The following FRMD4A variants were observed in gnomAD, a reference collection of about 807,000 sequenced individuals.
FRMD4A encodes the protein FERM domain containing 4A.
A neutral mutation model predicts 129.1 loss-of-function variants in FRMD4A; 29 were observed. That is an observed-to-expected ratio of 0.22 (90% CI 0.17 to 0.31). The LOEUF (loss-of-function observed/expected upper bound fraction) is 0.31. Among genes scored for constraint, FRMD4A ranks in the 10% least tolerant of loss-of-function variants. The pLI is 1.00. For synonymous variants in FRMD4A, 634 were observed against 571.6 expected (o/e 1.11, Z -1.56); for missense variants, 1,272 against 1,375.8 (o/e 0.92, Z 1.19).
intron 2 of FRMD4A, among the ~76,000 whole-genome samples, chr10:14,224,584 T>C (rs993770659): frequency 6.6e-6 from 1 of 152,336 alleles, no homozygotes; most frequent in Admixed American, 6.5e-5. Flanking sequence ...ATTTTTTTTT[T>C]CTGTGAAGAG....
chr10:13,705,825 T>A (rs1017822564), intron 13 of FRMD4A, among the ~76,000 whole-genome samples: 2 of 152,224 alleles, frequency 1.3e-5, no homozygotes, highest in Admixed American at 1.3e-4. Flanking sequence ...GCAGAAACTC[T>A]CAGCTGCTCT....
intron 2 of FRMD4A, among the ~76,000 whole-genome samples, chr10:14,249,758 A>G (rs988105252): frequency 2.0e-5 from 3 of 152,254 alleles, no homozygotes; most frequent in African/African-American, 4.8e-5. Flanking sequence ...GGATGCATCA[A>G]CTAAGGTGTA....
At chr10:13,998,803 T>A (rs927879094) in intron 2 of FRMD4A, among the ~76,000 whole-genome samples, 2 of 152,230 alleles carry the variant, frequency 1.3e-5, no homozygotes, top group Admixed American at 1.3e-4. Context: ...GTCACTAAGA[T>A]GATTGTACTA....
At chr10:14,317,932 T>C (rs974960372) in intron 2 of FRMD4A, among the ~76,000 whole-genome samples, 14 of 152,086 alleles carry the variant, frequency 9.2e-5, no homozygotes, top group African/African-American at 3.4e-4. Flanking sequence ...TCAAAGTATA[T>C]AAAAGGATGT....
At position 13,643,977 on chromosome 10, in the gene FRMD4A, A is replaced by T. The variant is rs550533332; in HGVS notation, c.*3061T>A. On this transcript the variant is annotated 3_prime_UTR_variant, in exon 25 of 25. Coordinates refer to ENST00000357447, the MANE Select transcript of FRMD4A (RefSeq NM_018027.5). ...CTAGAGTCCATTTTACACAACTTGT[A>T]ATAAACTATTGACATTAATGTATAT... 6.5e-6 allele frequency: 1 copy of T among 152,758 alleles called. No homozygotes were observed. The highest frequency in any genetic ancestry group is 2.4e-5 in the African/African-American group (1 of 41,570). 9.5% of individuals were successfully genotyped at this position (152,758 alleles called of 1,614,324 possible).
chr10:14,281,318 AGGG>A (rs1845513659), intron 2 of FRMD4A, among the ~76,000 whole-genome samples: 1 of 152,214 alleles, frequency 6.6e-6, no homozygotes, highest in Non-Finnish European at 1.5e-5. Context: ...AGAAGAAATT[AGGG>A]CACAGACTGG....
At chr10:14,267,505 C>G (rs1282036872) in intron 2 of FRMD4A, among the ~76,000 whole-genome samples, 1 of 152,136 alleles carries the variant, frequency 6.6e-6, no homozygotes, top group East Asian at 1.9e-4. Flanking sequence ...TTTCAAGGCC[C>G]TTATTTTACT....
intron 15 of FRMD4A, 174 bp downstream of exon 15, chr10:13,693,724 G>A: frequency 1.3e-6 from 1 of 772,644 alleles, no homozygotes; most frequent in Non-Finnish European, 2.2e-6. Flanking sequence ...TTGATTCCTG[G>A]GAGCAGTTTT....
intron 15 of FRMD4A, among the ~76,000 whole-genome samples, chr10:13,687,377 G>A (rs574599725): frequency 6.6e-6 from 1 of 152,320 alleles, no homozygotes; most frequent in South Asian, 2.1e-4. Context: ...CTCAGGCTCT[G>A]TCTCACTTTC....
At chr10:13,905,182 A>T (rs1388649745) in intron 2 of FRMD4A, among the ~76,000 whole-genome samples, 4 of 152,072 alleles carry the variant, frequency 2.6e-5, no homozygotes, top group Admixed American at 6.6e-5. Context: ...GATACCTGCA[A>T]TGCATTTTGA....
At chr10:14,088,633 T>TA (rs1428911606) in intron 2 of FRMD4A, among the ~76,000 whole-genome samples, 5 of 151,252 alleles carry the variant, frequency 3.3e-5, no homozygotes, top group African/African-American at 1.2e-4. Flanking sequence ...CCGGACGTGA[T>TA]GGCGCATGCC....
chr10:13,736,691 G>A (rs778256334), intron 12 of FRMD4A, among the ~76,000 whole-genome samples: 8 of 152,296 alleles, frequency 5.3e-5, no homozygotes, highest in Admixed American at 1.3e-4. Flanking sequence ...AAACAGCTTG[G>A]AAAGCAATCT....
intron 2 of FRMD4A, among the ~76,000 whole-genome samples, chr10:14,128,011 TCTTCCTTCCTTC>T (rs1234412308): frequency 2.1e-5 from 2 of 96,806 alleles, no homozygotes; most frequent in African/African-American, 9.1e-5. Context: ...TTTCTTTCTT[TCTTCCTTCCTTC>T]CTTCCTTCCT....
rs11447715 is a variant in FRMD4A, at chr10:14,314,949, G to GTT, written c.45+15107_45+15108dup. 5.2e-3 allele frequency among the ~76,000 whole-genome samples: 782 copies of GTT among 149,830 alleles called. 3 individuals are homozygous for GTT. Among genetic ancestry groups the GTT allele is most frequent in the African/African-American group, 0.013 (551 of 40,960 alleles). ...ATGTGATTGGCGAATCTTATATATA[G>GTT]TTTTTTTTTTAATTTTTACTTTCCT... On this transcript the variant is annotated intron_variant, in intron 2 of 24. Coordinates refer to ENST00000357447, the MANE Select transcript of FRMD4A (RefSeq NM_018027.5).
At chr10:13,695,505 T>C (rs1002201737) in intron 14 of FRMD4A, among the ~76,000 whole-genome samples, 1 of 152,212 alleles carries the variant, frequency 6.6e-6, no homozygotes, top group African/African-American at 2.4e-5. Flanking sequence ...ATGTGTTTGT[T>C]TGCATTTCCC....
intron 2 of FRMD4A, among the ~76,000 whole-genome samples, chr10:14,015,438 C>T (rs1384975110): frequency 1.3e-5 from 2 of 150,772 alleles, no homozygotes; most frequent in African/African-American, 2.4e-5. Flanking sequence ...CTCTCTCTTC[C>T]TTCCCTTGCC....
At chr10:13,816,087 C>A (rs1374854128) in intron 3 of FRMD4A, among the ~76,000 whole-genome samples, 1 of 152,218 alleles carries the variant, frequency 6.6e-6, no homozygotes, top group African/African-American at 2.4e-5. Flanking sequence ...TTGTACCTAT[C>A]TGGATTTATA....
chr10:13,757,668 T>C (rs897399210), intron 8 of FRMD4A, among the ~76,000 whole-genome samples: 1 of 152,220 alleles, frequency 6.6e-6, no homozygotes, highest in Non-Finnish European at 1.5e-5. Flanking sequence ...GTGAGTTTCA[T>C]GAGAAAGAGT....
chr10:14,049,579 G>A (rs1277037439), intron 2 of FRMD4A, among the ~76,000 whole-genome samples: 3 of 152,172 alleles, frequency 2.0e-5, no homozygotes, highest in Admixed American at 6.5e-5. Context: ...AGAGGCAGTT[G>A]GATTTTATCC....
Sources: allele counts gnomAD v4.1 joint callset (sites outside exome capture counted in the v4.1 genomes callset), GRCh38; gene constraint gnomAD v4.1.1; transcripts MANE v1.5; gene names NCBI Gene and HGNC (gene_info 2026-07-23, HGNC 2026-07-21).